The following ESPN variants were observed in gnomAD, a reference collection of about 807,000 sequenced individuals.
The protein encoded by ESPN is autosomal recessive deafness type 36 protein.
In ESPN, 68 loss-of-function variants were observed where a neutral mutation model predicts 77.7. That is an observed-to-expected ratio of 0.87 (90% confidence interval 0.72 to 1.07). The LOEUF (loss-of-function observed/expected upper bound fraction) is 1.07, where lower values mean the gene tolerates loss of function less well. Among genes scored for constraint, ESPN ranks in the 50% least tolerant of loss-of-function variants. ESPN has a pLI of 0.00. For missense variants in ESPN, 1,060 were observed against 1,239.0 expected, an observed-to-expected ratio of 0.86 and a Z score of 2.17; for synonymous variants, 449 against 567.1, an observed-to-expected ratio of 0.79 and a Z score of 2.96.
chr1:6,442,721 A>G (rs1454937832), intron 5 of ESPN, among the ~76,000 whole-genome samples: 1 of 150,396 alleles, frequency 6.6e-6, no homozygotes, highest in Non-Finnish European at 1.5e-5. Flanking sequence ...TATAAAAATT[A>G]GCTGGGCATG....
At position 6,456,369 on chromosome 1, in the gene ESPN, C is replaced by A. The variant is rs138668658; in HGVS notation, c.2326-815C>A. 1,772 of 381,114 alleles carry A rather than the reference C, an allele frequency of 4.6e-3. 5 individuals carry two copies. The highest frequency in any genetic ancestry group is 5.5e-3 in the Non-Finnish European group (1,195 of 215,324). The allele number at this position is 381,114 out of a possible 1,614,324, so 23.6% of individuals were successfully genotyped here. A position where few individuals can be genotyped will look rare whatever the true frequency, so the allele number is the denominator to read the frequency against. ...CTCAGCCTCTGAGGTCCCATCGTGG[C>A]GGGCTGTGGGGCGTTGGTCGGATAG... On this transcript the variant is annotated intron_variant, in intron 10 of 12. Transcript: ENST00000645284.
chr1:6,457,385 C>T lies in ESPN; in HGVS notation c.2417+13C>T, dbSNP rs538380443. The T allele has an allele frequency of 2.5e-6, 4 of 1,614,196 alleles. No homozygotes were observed. Among genetic ancestry groups the T allele is most frequent in the East Asian group, 4.5e-5 (2 of 44,892 alleles). ...GGGAGCAGAAGCGGTGAGTGCAGGG[C>T]TGGCCCCAACCTGCCACCCTTATCC... On this transcript the variant is annotated intron_variant, in intron 12 of 12. Coordinates refer to ENST00000645284, the MANE Select transcript of ESPN (RefSeq NM_031475.3).
Position 6,424,937 on chromosome 1 carries a change from C to A in ESPN, c.-19C>A. On this transcript the variant is annotated 5_prime_UTR_variant, in exon 1 of 13. Transcript: ENST00000645284. ...GGGGAAGGCGCTGAGTGCGGAGTCG[C>A]GGCGCCGCACGCGGCACCATGGCCC... is the stretch of plus-strand genomic sequence containing the variant. 7.0e-7 allele frequency: 1 copy of A among 1,438,688 alleles called. No homozygotes were observed. The highest frequency in any genetic ancestry group is 9.1e-7 in the Non-Finnish European group (1 of 1,098,788). 89.1% of individuals were successfully genotyped at this position (1,438,688 alleles called of 1,614,324 possible). A position where few individuals can be genotyped will look rare whatever the true frequency, so the allele number is the denominator to read the frequency against.
In ESPN at chr1:6,451,486, C is replaced by T. The variant is rs565065909; in HGVS notation, c.1916-117C>T. 5.0e-4 allele frequency: 706 copies of T among 1,410,772 alleles called. 6 individuals carry two copies. The Middle Eastern group carries it at 6.4e-3, about 13-fold the overall frequency. 87.4% of individuals were successfully genotyped at this position (1,410,772 alleles called of 1,614,324 possible). ...GGATCTGGAGAGCTGCCCGCTGGCCCGGAGGATGGGCACCCATCCAATCTT... is the reference window on the plus strand; with the variant it reads ...GGATCTGGAGAGCTGCCCGCTGGCCTGGAGGATGGGCACCCATCCAATCTT... On this transcript the variant is annotated intron_variant, in intron 8 of 12. Coordinates refer to ENST00000645284, the MANE Select transcript of ESPN (RefSeq NM_031475.3). This position sits in a 1 kb window ranked among gnomAD's most constrained non-coding sequence, Gnocchi z 4.3.
chr1:6,455,278 G>C, intron 10 of ESPN: 1 of 388,786 alleles, frequency 2.6e-6, no homozygotes, highest in Middle Eastern at 6.5e-4. Context: ...CGCAAGGAGC[G>C]CATCGTTTAC....
At chr1:6,432,678 G>A (rs1329164972) in intron 2 of ESPN, among the ~76,000 whole-genome samples, 5 of 152,224 alleles carry the variant, frequency 3.3e-5, no homozygotes, top group African/African-American at 4.8e-5. Context: ...TCTGCCTCAC[G>A]TGGGGGCTAC....
chr1:6,441,714 G>A (rs2148520696), intron 5 of ESPN, among the ~76,000 whole-genome samples: 1 of 152,372 alleles, frequency 6.6e-6, no homozygotes, highest in African/African-American at 2.4e-5. Flanking sequence ...GCAATAGGCA[G>A]GGAAGAGAGT....
chr1:6,455,976 G>A (rs1644049036), intron 10 of ESPN: 2 of 398,494 alleles, frequency 5.0e-6, no homozygotes, highest in Non-Finnish European at 8.9e-6. Context: ...CCCGCCTGAG[G>A]GGCAGCCCGA....
At chr1:6,441,853 C>T (rs1253126797) in intron 5 of ESPN, among the ~76,000 whole-genome samples, 2 of 136,010 alleles carry the variant, frequency 1.5e-5, no homozygotes, top group African/African-American at 3.3e-5. Context: ...GTCTGTCCAT[C>T]TGCCCTCCCC....
At chr1:6,431,354 A>G (rs1237289146) in intron 2 of ESPN, among the ~76,000 whole-genome samples, 1 of 152,212 alleles carries the variant, frequency 6.6e-6, no homozygotes, top group Non-Finnish European at 1.5e-5. Context: ...CATGCCTGTA[A>G]TCCCAGCACT....
In ESPN at chr1:6,451,739, G is replaced by A. The variant is rs375162948; in HGVS notation, c.2052G>A (p.Pro684=). 51 of 1,612,258 alleles carry A rather than the reference G, an allele frequency of 3.2e-5. No homozygotes were observed. The highest frequency in any genetic ancestry group is 8.8e-5 in the South Asian group (8 of 90,922). ...LTTVFSGIGQ[P]AFQPDSPLPS... is the part of the protein sequence containing the mutation. ...CAGTGTTCTCAGGCATCGGGCAGCC[G>A]GCCTTCCAGGTAGGCGGGCCCAGCA... is the stretch of plus-strand genomic sequence containing the variant. The change falls in exon 9 of 13, where the codon CCG becomes CCA. Residue 684 remains proline (P), a synonymous_variant. Transcript: ENST00000645284. This position sits in a 1 kb window ranked among gnomAD's most constrained non-coding sequence, Gnocchi z 4.3.
Position 6,447,875 on chromosome 1 carries a change from G to C in ESPN, c.1465-766G>C, listed in dbSNP as rs2311038. On this transcript the variant is annotated intron_variant, in intron 7 of 12. Coordinates refer to ENST00000645284, the MANE Select transcript of ESPN (RefSeq NM_031475.3). This position sits in a 1 kb window ranked among gnomAD's most constrained non-coding sequence, Gnocchi z 5.2. ...GCAGGGGGCGGGGTCACATCTGGCC[G>C]GGGACGGGTGCAGAGCCGCGGCCAG... is the stretch of plus-strand genomic sequence containing the variant. Among the ~76,000 whole-genome samples the C allele has an allele frequency of 6.6e-6, 1 of 152,194 alleles. No homozygotes were observed. The highest frequency in any genetic ancestry group is 1.5e-5 in the Non-Finnish European group (1 of 68,038).
Position 6,425,267 on chromosome 1 carries a change from G to A in ESPN, c.294+18G>A. The A allele has an allele frequency of 6.4e-7, 1 of 1,566,226 alleles. No individual in the cohort carries two copies. The highest frequency in any genetic ancestry group is 8.6e-7 in the Non-Finnish European group (1 of 1,164,480). ...GAGTGCAGGTGGGTCCGCGCGGTTCGCCAGGGGCACTGAGGCTTCCTCCTC... is the reference window on the plus strand; with the variant it reads ...GAGTGCAGGTGGGTCCGCGCGGTTCACCAGGGGCACTGAGGCTTCCTCCTC... On this transcript the variant is annotated intron_variant, in intron 1 of 12. Transcript: ENST00000645284.
At chr1:6,435,358 C>T (rs1346753720) in intron 2 of ESPN, among the ~76,000 whole-genome samples, 2 of 152,216 alleles carry the variant, frequency 1.3e-5, no homozygotes, top group Non-Finnish European at 2.9e-5. Flanking sequence ...CTCCCTGCGG[C>T]GGCGCTGGCA....
chr1:6,430,687 C>A (rs1223609323), intron 2 of ESPN, among the ~76,000 whole-genome samples: 1 of 152,132 alleles, frequency 6.6e-6, no homozygotes, highest in Non-Finnish European at 1.5e-5. Context: ...AGGAGAATCG[C>A]TTGAACCCGG....
At chr1:6,456,148 G>C (rs1453114708) in intron 10 of ESPN, 4 of 399,284 alleles carry the variant, frequency 1.0e-5, no homozygotes. Context: ...TACATCGACC[G>C]CAGCTTCTCC....
intron 12 of ESPN, 135 bp from the exon 13 acceptor site, chr1:6,459,864 G>A (rs551864662): frequency 6.1e-5 from 63 of 1,037,384 alleles, no homozygotes; most frequent in Non-Finnish European, 8.6e-5. Flanking sequence ...TTCAGCAACC[G>A]AGCCCCAGCC....
At position 6,450,643 on chromosome 1, in the gene ESPN, T is replaced by G. The variant is rs559255611; in HGVS notation, c.1916-960T>G. 7.9e-5 allele frequency among the ~76,000 whole-genome samples: 12 copies of G among 152,216 alleles called. No homozygotes were observed. Among genetic ancestry groups the G allele is most frequent in the African/African-American group, 2.9e-4 (12 of 41,538 alleles). Reference sequence around the variant, plus strand: ...GCCTTGCACCTCATACCTACCCTCATACCCACATATGCACCCAAGCATTCT... The same window carrying G: ...GCCTTGCACCTCATACCTACCCTCAGACCCACATATGCACCCAAGCATTCT... On this transcript the variant is annotated intron_variant, in intron 8 of 12. Transcript: ENST00000645284. The surrounding 1 kb of genome is among the most constrained non-coding windows in gnomAD (Gnocchi z 4.3).
chr1:6,460,030 C>T lies in ESPN; in HGVS notation c.2449C>T (p.Leu817=), dbSNP rs1162112659. ...KEEERQKQEE[L]RREKEQSEKL... ...GGAGGAGCGACAGAAGCAGGAGGAG[C>T]TGCGGCGGGAGAAGGAACAGTCAGA... is the stretch of plus-strand genomic sequence containing the variant. The change falls in exon 13 of 13, where the codon CTG becomes TTG. Residue 817 remains leucine, a synonymous_variant. Transcript: ENST00000645284. The T allele has an allele frequency of 2.5e-6, 4 of 1,613,456 alleles. No individual in the cohort carries two copies. Among genetic ancestry groups the T allele is most frequent in the Non-Finnish European group, 3.4e-6 (4 of 1,180,030 alleles).
Sources: gnomAD v4.1 joint callset for allele counts (sites outside exome capture counted in the v4.1 genomes callset) on GRCh38, gnomAD v4.1.1 for gene constraint, Gnocchi (gnomAD v3.1) non-coding constraint, MANE v1.5 for transcripts, NCBI Gene and HGNC (gene_info 2026-07-23, HGNC 2026-07-21) for gene names.